The following GADL1 variants were observed in gnomAD, a reference collection of about 807,000 sequenced individuals.
The protein encoded by GADL1 is acidic amino acid decarboxylase GADL1.
GADL1 carries 71 observed loss-of-function variants against 69.5 expected under a neutral mutation model. The ratio of observed to expected loss-of-function variants is 1.02; its 90% CI spans 0.84 to 1.25. GADL1 has a LOEUF of 1.25. Ranked by LOEUF, GADL1 falls within the 50% of genes most tolerant of loss-of-function variation. The pLI, the probability that GADL1 is intolerant of heterozygous loss-of-function variation, is 0.00. For missense variants in GADL1, 737 were observed against 631.8 expected, an observed-to-expected ratio of 1.17 and a Z score of -1.79; for synonymous variants, 254 against 214.4, an observed-to-expected ratio of 1.18 and a Z score of -1.62.
chr3:30,728,645 T>G (rs995222995), intron 14 of GADL1, among the ~76,000 whole-genome samples: 3 of 152,204 alleles, frequency 2.0e-5, no homozygotes, highest in African/African-American at 7.2e-5. Flanking sequence ...AGGAAGATGC[T>G]ACTAATGTGC....
chr3:30,728,456 C>A (rs7617829), intron 14 of GADL1, 41 bp from the exon 15 acceptor site: 1 of 1,540,778 alleles, frequency 6.5e-7, no homozygotes, highest in Admixed American at 1.7e-5. Flanking sequence ...AAGACCAGAA[C>A]ATCAAGGCAT....
chr3:30,826,041 A>G (rs1439404861), intron 11 of GADL1, among the ~76,000 whole-genome samples: 1 of 151,948 alleles, frequency 6.6e-6, no homozygotes, highest in Non-Finnish European at 1.5e-5. Context: ...TACCTGAAGC[A>G]GGCACAGCAT....
At chr3:30,821,398 C>CT (rs950243085) in intron 11 of GADL1, among the ~76,000 whole-genome samples, 18 of 151,852 alleles carry the variant, frequency 1.2e-4, no homozygotes, top group East Asian at 3.9e-4. Flanking sequence ...TAATGTGTGT[C>CT]TTTTTTTTCT....
intron 14 of GADL1, among the ~76,000 whole-genome samples, chr3:30,740,323 T>A (rs1261088707): frequency 6.6e-6 from 1 of 152,162 alleles, no homozygotes; most frequent in African/African-American, 2.4e-5. Flanking sequence ...GCCCTCAAGA[T>A]GTCAGCTAAG....
At chr3:30,877,847 T>C (rs923239879) in intron 1 of GADL1, among the ~76,000 whole-genome samples, 1 of 151,936 alleles carries the variant, frequency 6.6e-6, no homozygotes, top group Non-Finnish European at 1.5e-5. Context: ...TATTTAACCA[T>C]AATAGATTTT....
intron 14 of GADL1, among the ~76,000 whole-genome samples, chr3:30,766,621 C>A (rs1176405955): frequency 1.3e-5 from 2 of 152,100 alleles, no homozygotes; most frequent in Non-Finnish European, 2.9e-5. Flanking sequence ...AGGCACACCA[C>A]AAAGATGAAG....
intron 14 of GADL1, among the ~76,000 whole-genome samples, chr3:30,764,305 T>A (rs946344383): frequency 6.6e-6 from 1 of 152,190 alleles, no homozygotes; most frequent in Non-Finnish European, 1.5e-5. Flanking sequence ...TAAGACATGA[T>A]CTGATAGATT....
chr3:30,761,756 T>C lies in GADL1; in HGVS notation c.1392+16423A>G, dbSNP rs538031564. On this transcript the variant is annotated intron_variant, in intron 14 of 14. Transcript: ENST00000282538. ...TCATTAGACCAGTAAGTAAAAAATC[T>C]GGAACACTTTTTCTACCTTATCACT... Among the ~76,000 whole-genome samples, 12 of 152,296 alleles carry C rather than the reference T, an allele frequency of 7.9e-5. No homozygotes were observed. The South Asian group carries it at 1.7e-3, about 21-fold the overall frequency.
In GADL1 at chr3:30,753,620, A is replaced by G. The variant is rs550320696; in HGVS notation, c.1392+24559T>C. On this transcript the variant is annotated intron_variant, in intron 14 of 14. Coordinates refer to ENST00000282538, the MANE Select transcript of GADL1 (RefSeq NM_207359.3). ...ACTTAAAGATAACTTGTTTTCTTACAGTACTTAAGATCACTCTTGTTTACT... is the reference window on the plus strand; with the variant it reads ...ACTTAAAGATAACTTGTTTTCTTACGGTACTTAAGATCACTCTTGTTTACT... Among the ~76,000 whole-genome samples, 91 of 134,722 alleles carry G rather than the reference A, an allele frequency of 6.8e-4. No individual in the cohort carries two copies. The South Asian group carries it at 8.7e-3, about 13-fold the overall frequency. 88.4% of individuals were successfully genotyped at this position (134,722 alleles called of 152,430 possible).
intron 11 of GADL1, among the ~76,000 whole-genome samples, chr3:30,820,990 C>T (rs1697568587): frequency 1.3e-5 from 2 of 151,892 alleles, no homozygotes; most frequent in South Asian, 4.2e-4. Flanking sequence ...TACTATGCAG[C>T]CATAAAAAAT....
intron 14 of GADL1, among the ~76,000 whole-genome samples, chr3:30,750,501 C>G (rs1695791731): frequency 6.6e-6 from 1 of 152,128 alleles, no homozygotes; most frequent in Non-Finnish European, 1.5e-5. Context: ...ACCGAGATGC[C>G]CAAACAACAT....
intron 13 of GADL1, among the ~76,000 whole-genome samples, chr3:30,785,323 C>CA (rs1246403167): frequency 6.6e-5 from 10 of 151,890 alleles, no homozygotes; most frequent in African/African-American, 1.9e-4. Flanking sequence ...CCATGCATGA[C>CA]ATAGTAATTG....
chr3:30,759,739 C>A (rs1212507353), intron 14 of GADL1, among the ~76,000 whole-genome samples: 1 of 152,208 alleles, frequency 6.6e-6, no homozygotes, highest in East Asian at 1.9e-4. Flanking sequence ...AGTAACATTT[C>A]CCTGCTCGAC....
intron 11 of GADL1, among the ~76,000 whole-genome samples, chr3:30,815,337 G>A (rs1230047638): frequency 5.4e-5 from 8 of 147,176 alleles, no homozygotes; most frequent in South Asian, 2.1e-4. Context: ...CTCTCTGGTC[G>A]GTTAGGAGGA....
intron 14 of GADL1, among the ~76,000 whole-genome samples, chr3:30,748,059 G>C (rs1057150076): frequency 4.6e-5 from 7 of 152,176 alleles, no homozygotes; most frequent in Non-Finnish European, 8.8e-5. Flanking sequence ...TTACTCAACA[G>C]TGATGAAAAG....
intron 11 of GADL1, among the ~76,000 whole-genome samples, chr3:30,804,538 C>T (rs1697219970): frequency 6.7e-6 from 1 of 148,340 alleles, no homozygotes; most frequent in African/African-American, 2.5e-5. Flanking sequence ...CGATATCTCC[C>T]TTTATCTGAC....
At chr3:30,782,240 C>G (rs1040963840) in intron 13 of GADL1, among the ~76,000 whole-genome samples, 4 of 152,114 alleles carry the variant, frequency 2.6e-5, no homozygotes, top group African/African-American at 9.7e-5. Context: ...CTTTGAAAAG[C>G]TGCTCTAGCA....
chr3:30,792,545 C>G (rs1169473267), intron 12 of GADL1, among the ~76,000 whole-genome samples: 1 of 152,150 alleles, frequency 6.6e-6, no homozygotes. Flanking sequence ...CCACTGCACT[C>G]TAGCCTAGGT....
intron 14 of GADL1, among the ~76,000 whole-genome samples, chr3:30,772,826 A>G (rs1467086215): frequency 6.6e-6 from 1 of 152,180 alleles, no homozygotes; most frequent in Non-Finnish European, 1.5e-5. Flanking sequence ...CAGTGAGCCA[A>G]GATTGTGCCA....
Sources: gnomAD v4.1 joint callset for allele counts (sites outside exome capture counted in the v4.1 genomes callset) on GRCh38, gnomAD v4.1.1 for gene constraint, MANE v1.5 for transcripts, NCBI Gene and HGNC (gene_info 2026-07-23, HGNC 2026-07-21) for gene names.